The following KCNJ3 variants were observed in gnomAD, a reference collection of about 807,000 sequenced individuals.
KCNJ3 encodes G protein-activated inward rectifier potassium channel 1.
In KCNJ3, 4 loss-of-function variants were observed where a neutral mutation model predicts 39.2. The ratio of observed to expected loss-of-function variants is 0.10; its 90% CI spans 0.05 to 0.23. The LOEUF (loss-of-function observed/expected upper bound fraction) is 0.23. Ranked by LOEUF, KCNJ3 falls within the 10% of genes least tolerant of loss-of-function variation. The pLI is 1.00. For missense variants in KCNJ3, 276 were observed against 634.9 expected, an observed-to-expected ratio of 0.43 and a Z score of 6.08; for synonymous variants, 230 against 237.4, an observed-to-expected ratio of 0.97 and a Z score of 0.29.
intron 2 of KCNJ3, among the ~76,000 whole-genome samples, chr2:154,788,465 G>T: frequency 1.3e-5 from 2 of 151,998 alleles, no homozygotes; most frequent in East Asian, 3.9e-4. Context: ...TGGTCTTTTT[G>T]AATTTTGCAG....
chr2:154,807,842 G>A (rs1034698139), intron 2 of KCNJ3, among the ~76,000 whole-genome samples: 1 of 152,070 alleles, frequency 6.6e-6, no homozygotes, highest in African/African-American at 2.4e-5. Flanking sequence ...TCTTTGTGAG[G>A]AAGGCACCAG....
intron 2 of KCNJ3, among the ~76,000 whole-genome samples, chr2:154,784,787 T>A (rs1017479100): frequency 6.6e-5 from 10 of 152,334 alleles, no homozygotes; most frequent in Admixed American, 5.2e-4. Flanking sequence ...GTTTGTAAGC[T>A]AGCTCTGCAA....
chr2:154,703,371 G>C (rs958910571), intron 1 of KCNJ3, among the ~76,000 whole-genome samples: 2 of 151,982 alleles, frequency 1.3e-5, no homozygotes, highest in African/African-American at 2.4e-5. Context: ...GAGGTCAGCT[G>C]TGCAATCCTT....
At chr2:154,732,889 C>T (rs552686337) in intron 2 of KCNJ3, among the ~76,000 whole-genome samples, 3 of 152,192 alleles carry the variant, frequency 2.0e-5, no homozygotes, top group African/African-American at 7.2e-5. Context: ...GCACATTTAG[C>T]TTTTATCAGT....
intron 2 of KCNJ3, among the ~76,000 whole-genome samples, chr2:154,845,142 C>G (rs1687644500): frequency 6.6e-6 from 1 of 152,132 alleles, no homozygotes; most frequent in Non-Finnish European, 1.5e-5. Context: ...TTTTTTGAGA[C>G]AGAGTCTGCT....
chr2:154,780,627 T>C (rs1686423279), intron 2 of KCNJ3, among the ~76,000 whole-genome samples: 1 of 152,116 alleles, frequency 6.6e-6, no homozygotes, highest in Non-Finnish European at 1.5e-5. Flanking sequence ...GAGGGGCTCC[T>C]GAGTTCCAGC....
At chr2:154,774,354 T>G (rs1686294680) in intron 2 of KCNJ3, among the ~76,000 whole-genome samples, 1 of 151,048 alleles carries the variant, frequency 6.6e-6, no homozygotes, top group Non-Finnish European at 1.5e-5. Context: ...TAAAGAAAGT[T>G]ATGCTCATTT....
At position 154,857,023 on chromosome 2, in the gene KCNJ3, A is replaced by C. The variant is rs1687851323; in HGVS notation, c.*1710A>C. ...ATTATTGGCAAATTAATACATCAAC[A>C]CTTAAATCATTGACTATAATAATAC... On this transcript the variant is annotated 3_prime_UTR_variant, in exon 3 of 3. Transcript: ENST00000295101. 6.6e-6 allele frequency: 1 copy of C among 152,132 alleles called. No homozygotes were observed. 9.4% of individuals were successfully genotyped at this position (152,132 alleles called of 1,614,324 possible).
At chr2:154,777,396 G>A (rs1421264063) in intron 2 of KCNJ3, among the ~76,000 whole-genome samples, 2 of 152,118 alleles carry the variant, frequency 1.3e-5, no homozygotes, top group African/African-American at 4.8e-5. Context: ...GGGTTAGCCA[G>A]GTTGGCATTG....
chr2:154,750,772 A>G (rs1230307568), intron 2 of KCNJ3, among the ~76,000 whole-genome samples: 1 of 152,012 alleles, frequency 6.6e-6, no homozygotes, highest in Non-Finnish European at 1.5e-5. Flanking sequence ...TCTTCCTTGT[A>G]TAGACCAAAA....
intron 2 of KCNJ3, among the ~76,000 whole-genome samples, chr2:154,839,944 G>GTCA (rs1687546513): frequency 2.6e-5 from 4 of 152,030 alleles, no homozygotes; most frequent in Admixed American, 2.0e-4. Flanking sequence ...AGTTTAATTA[G>GTCA]ATCCCATTTG....
Position 154,857,208 on chromosome 2 carries a change from G to C in KCNJ3, c.*1895G>C, listed in dbSNP as rs1280304324. Reference sequence around the variant, plus strand: ...TAGCTTTCTTAGTTTGTAGATGTAGGAAACAAAATAGTGACAGAGAGAGAA... The same window carrying C: ...TAGCTTTCTTAGTTTGTAGATGTAGCAAACAAAATAGTGACAGAGAGAGAA... On this transcript the variant is annotated 3_prime_UTR_variant, in exon 3 of 3. Coordinates refer to ENST00000295101, the MANE Select transcript of KCNJ3 (RefSeq NM_002239.4). The C allele has an allele frequency of 6.6e-6, 1 of 152,020 alleles. No individual in the cohort carries two copies. The highest frequency in any genetic ancestry group is 2.4e-5 in the African/African-American group (1 of 41,384). The allele number at this position is 152,020 out of a possible 1,614,324, so 9.4% of individuals were successfully genotyped here. A position where few individuals can be genotyped will look rare whatever the true frequency, so the allele number is the denominator to read the frequency against.
chr2:154,760,097 T>G (rs1686011860), intron 2 of KCNJ3, among the ~76,000 whole-genome samples: 1 of 152,172 alleles, frequency 6.6e-6, no homozygotes, highest in Admixed American at 6.5e-5. Flanking sequence ...GTTATACTCT[T>G]ACCAGCTATT....
At chr2:154,765,756 T>C (rs1375232986) in intron 2 of KCNJ3, among the ~76,000 whole-genome samples, 1 of 152,200 alleles carries the variant, frequency 6.6e-6, no homozygotes, top group Non-Finnish European at 1.5e-5. Context: ...GAAAATACAA[T>C]AACTTTACAT....
At chr2:154,743,854 T>C (rs1685693879) in intron 2 of KCNJ3, among the ~76,000 whole-genome samples, 1 of 151,482 alleles carries the variant, frequency 6.6e-6, no homozygotes, top group Admixed American at 6.6e-5. Context: ...TAATGTGGAG[T>C]CTTGAACTTC....
intron 2 of KCNJ3, among the ~76,000 whole-genome samples, chr2:154,736,374 TAAAAAAA>T (rs70983745): frequency 5.6e-4 from 52 of 93,198 alleles, no homozygotes; most frequent in Middle Eastern, 6.0e-3. Flanking sequence ...TCACTAGTTC[TAAAAAAA>T]AAAAAAAAAA....
chr2:154,723,609 T>G (rs573643988), intron 2 of KCNJ3, among the ~76,000 whole-genome samples: 1 of 138,436 alleles, frequency 7.2e-6, no homozygotes, highest in Non-Finnish European at 1.6e-5. Context: ...TTTCTCATTT[T>G]ATTATGTTTT....
chr2:154,778,862 G>C (rs961744834), intron 2 of KCNJ3, among the ~76,000 whole-genome samples: 1 of 151,978 alleles, frequency 6.6e-6, no homozygotes, highest in African/African-American at 2.4e-5. Flanking sequence ...AAACTTAAGA[G>C]TTTAGGGCAT....
intron 2 of KCNJ3, among the ~76,000 whole-genome samples, chr2:154,852,398 A>C (rs1687771438): frequency 6.6e-6 from 1 of 152,184 alleles, no homozygotes; most frequent in Admixed American, 6.5e-5. Context: ...CTCATCTCGA[A>C]AAACATAAAA....
Sources: allele counts gnomAD v4.1 joint callset (sites outside exome capture counted in the v4.1 genomes callset), GRCh38; gene constraint gnomAD v4.1.1; transcripts MANE v1.5; gene names NCBI Gene and HGNC (gene_info 2026-07-23, HGNC 2026-07-21).